The following NUP210L variants were observed in gnomAD, a reference collection of about 807,000 sequenced individuals.
NUP210L encodes nuclear pore membrane glycoprotein 210-like.
A neutral mutation model predicts 208.5 loss-of-function variants in NUP210L; 74 were observed. The observed-to-expected ratio is 0.35, with a 90% confidence interval of 0.29 to 0.43. NUP210L has a LOEUF of 0.43. Ranked by LOEUF, NUP210L falls within the 20% of genes least tolerant of loss-of-function variation. NUP210L has a pLI of 1.00. For synonymous variants in NUP210L, 780 were observed against 816.9 expected (o/e 0.95, Z 0.77); for missense variants, 1,843 against 2,289.4 (o/e 0.81, Z 3.98).
At chr1:154,054,105 T>C in intron 25 of NUP210L, 123 bp downstream of exon 25, 1 of 868,486 alleles carries the variant, frequency 1.2e-6, no homozygotes, top group Non-Finnish European at 1.8e-6. Context: ...GAATGCCAGG[T>C]AGGGGCACTC....
intron 34 of NUP210L, among the ~76,000 whole-genome samples, chr1:154,011,600 C>T (rs1221157695): frequency 2.7e-5 from 4 of 149,510 alleles, no homozygotes; most frequent in East Asian, 2.0e-4. Flanking sequence ...TGGCCTCAAG[C>T]GATCCTCCCA....
chr1:154,135,728 T>C, intron 7 of NUP210L, 86 bp downstream of exon 7: 1 of 1,285,928 alleles, frequency 7.8e-7, no homozygotes, highest in Non-Finnish European at 1.1e-6. Context: ...GCCATAATCA[T>C]TCTTAATAAA....
chr1:154,008,983 C>T (rs756996902), intron 35 of NUP210L, among the ~76,000 whole-genome samples: 3 of 151,454 alleles, frequency 2.0e-5, no homozygotes, highest in Non-Finnish European at 2.9e-5. Flanking sequence ...GATTTTGGCT[C>T]ATTGCAACTT....
At chr1:154,006,966 A>ATATATATATATATTTTT (rs1211789619) in intron 35 of NUP210L, among the ~76,000 whole-genome samples, 2 of 115,808 alleles carry the variant, frequency 1.7e-5, no homozygotes, top group Admixed American at 1.1e-4. Context: ...ATATATATAT[A>ATATATATATATATTTTT]TTTTTTTTTT....
intron 36 of NUP210L, among the ~76,000 whole-genome samples, chr1:154,001,303 T>G (rs984859429): frequency 6.6e-6 from 1 of 152,094 alleles, no homozygotes; most frequent in Non-Finnish European, 1.5e-5. Flanking sequence ...GTTCAAGCAA[T>G]TTTCCTGCCT....
At chr1:154,109,075 G>A in intron 12 of NUP210L, among the ~76,000 whole-genome samples, 1 of 151,634 alleles carries the variant, frequency 6.6e-6, no homozygotes. Flanking sequence ...ACTCCAGCCT[G>A]GGCAACAAGA....
At chr1:154,090,235 C>G (rs529022198) in intron 15 of NUP210L, among the ~76,000 whole-genome samples, 1 of 151,542 alleles carries the variant, frequency 6.6e-6, no homozygotes, top group South Asian at 2.1e-4. Context: ...AAAAATCTAA[C>G]TTTGACCAAT....
At chr1:154,041,264 C>T (rs1267486610) in intron 27 of NUP210L, among the ~76,000 whole-genome samples, 7 of 152,158 alleles carry the variant, frequency 4.6e-5, no homozygotes, top group Non-Finnish European at 7.3e-5. Flanking sequence ...CGAGCCTGGC[C>T]TTTGCCCTAC....
intron 12 of NUP210L, among the ~76,000 whole-genome samples, chr1:154,109,831 T>C (rs1656951037): frequency 6.6e-6 from 1 of 151,220 alleles, no homozygotes; most frequent in African/African-American, 2.5e-5. Context: ...AAGAAAGAGA[T>C]TTTAAAATTT....
chr1:154,100,125 G>A (rs139838869), exon 14 of NUP210L: 41,076 of 1,613,876 alleles, frequency 0.025, 626 homozygotes, highest in Non-Finnish European at 0.031. Flanking sequence ...ACAATGCATT[G>A]GTCCAGGTCT....
At chr1:154,051,604 C>T (rs185188240) in intron 25 of NUP210L, among the ~76,000 whole-genome samples, 88 of 152,298 alleles carry the variant, frequency 5.8e-4, no homozygotes, top group Admixed American at 1.0e-3. Context: ...TATTATCCAG[C>T]GATGCCCAAC....
chr1:154,085,516 T>C (rs1204549818), intron 16 of NUP210L, among the ~76,000 whole-genome samples: 1 of 152,054 alleles, frequency 6.6e-6, no homozygotes, highest in Non-Finnish European at 1.5e-5. Context: ...AAGACATCCA[T>C]GTTCATAAAT....
chr1:154,104,280 A>G, intron 12 of NUP210L, 70 bp from the exon 13 acceptor site: 2 of 1,227,526 alleles, frequency 1.6e-6, no homozygotes, highest in Non-Finnish European at 2.4e-6. Context: ...GAGAAGCAAG[A>G]TGGCCAAATA....
At chr1:154,122,384 C>G (rs541837978) in intron 10 of NUP210L, among the ~76,000 whole-genome samples, 1 of 152,108 alleles carries the variant, frequency 6.6e-6, no homozygotes, top group Non-Finnish European at 1.5e-5. Flanking sequence ...AGGCCCAGCG[C>G]GGTGGCTCAC....
At chr1:154,066,812 A>T (rs1654444694) in intron 17 of NUP210L, among the ~76,000 whole-genome samples, 1 of 152,152 alleles carries the variant, frequency 6.6e-6, no homozygotes, top group Non-Finnish European at 1.5e-5. Context: ...TACTATAAAC[A>T]CCTCTACGCA....
exon 1 of NUP210L, chr1:154,154,945 T>C (rs759593932): frequency 6.2e-7 from 1 of 1,614,124 alleles, no homozygotes; most frequent in African/African-American, 1.3e-5. Context: ...TTGGCCAGGG[T>C]CCCACGCAAA....
At chr1:154,112,811 G>C (rs1213303102) in intron 12 of NUP210L, among the ~76,000 whole-genome samples, 1 of 150,290 alleles carries the variant, frequency 6.7e-6, no homozygotes, top group African/African-American at 2.4e-5. Context: ...AGCTGAGGTT[G>C]CATCACTGCA....
chr1:154,026,662 G>A (rs1429047764), intron 29 of NUP210L, among the ~76,000 whole-genome samples: 4 of 152,070 alleles, frequency 2.6e-5, no homozygotes, highest in African/African-American at 9.7e-5. Flanking sequence ...ATTTCTATTA[G>A]GAGATGAAAT....
At chr1:154,072,898 A>T (rs923334979) in intron 16 of NUP210L, among the ~76,000 whole-genome samples, 1 of 152,242 alleles carries the variant, frequency 6.6e-6, no homozygotes, top group African/African-American at 2.4e-5. Context: ...AAGCAAATGC[A>T]ATTAAAACAA....
Sources: allele counts gnomAD v4.1 joint callset (sites outside exome capture counted in the v4.1 genomes callset), GRCh38; gene constraint gnomAD v4.1.1; transcripts MANE v1.5; gene names NCBI Gene and HGNC (gene_info 2026-07-23, HGNC 2026-07-21).